The following HHAT variants were observed in gnomAD, a reference collection of about 807,000 sequenced individuals.
HHAT encodes the protein hedgehog acyltransferase, also known as protein-cysteine N-palmitoyltransferase HHAT.
In HHAT, 47 loss-of-function variants were observed where a neutral mutation model predicts 70.8. The ratio of observed to expected loss-of-function variants is 0.66; its 90% confidence interval spans 0.53 to 0.85. The LOEUF is 0.85. HHAT is among the 40% of genes least tolerant of loss of function. The probability of loss-of-function intolerance (pLI) is 0.00; values close to 1 mark genes in which losing one functional copy is unlikely to be tolerated. For missense variants in HHAT, 609 were observed against 604.8 expected (o/e 1.01, Z -0.07); for synonymous variants, 228 against 247.6 (o/e 0.92, Z 0.74).
At chr1:210,360,126 A>C (rs1015878582) in intron 2 of HHAT, among the ~76,000 whole-genome samples, 4 of 152,174 alleles carry the variant, frequency 2.6e-5, no homozygotes, top group Non-Finnish European at 5.9e-5. Context: ...TATCAACTAC[A>C]TTCTGCAGCT....
At chr1:210,406,189 G>T (rs1192628010) in intron 6 of HHAT, among the ~76,000 whole-genome samples, 3 of 152,052 alleles carry the variant, frequency 2.0e-5, no homozygotes, top group Non-Finnish European at 4.4e-5. Flanking sequence ...TTCTCAGTTT[G>T]CCAGCCAATA....
chr1:210,426,985 G>C (rs2093082878), intron 7 of HHAT, among the ~76,000 whole-genome samples: 1 of 152,068 alleles, frequency 6.6e-6, no homozygotes, highest in African/African-American at 2.4e-5. Flanking sequence ...TTTTTGGTTG[G>C]TAAGTTATTT....
chr1:210,592,783 A>T (rs1662031935), intron 10 of HHAT, among the ~76,000 whole-genome samples: 1 of 151,908 alleles, frequency 6.6e-6, no homozygotes, highest in South Asian at 2.1e-4. Flanking sequence ...AATTTTATTC[A>T]TAGCTATTAT....
intron 6 of HHAT, among the ~76,000 whole-genome samples, chr1:210,405,456 C>T (rs2092291514): frequency 6.6e-6 from 1 of 152,156 alleles, no homozygotes. Context: ...TATTCTATCC[C>T]TCACCAACAA....
At chr1:210,427,274 T>C (rs1279973181) in intron 7 of HHAT, among the ~76,000 whole-genome samples, 1 of 152,112 alleles carries the variant, frequency 6.6e-6, no homozygotes, top group Admixed American at 6.6e-5. Context: ...AATTCCTGGA[T>C]TCACTGACAT....
intron 8 of HHAT, among the ~76,000 whole-genome samples, chr1:210,502,569 T>C (rs2094779873): frequency 6.6e-6 from 1 of 152,184 alleles, no homozygotes; most frequent in Admixed American, 6.5e-5. Flanking sequence ...AATCATTGAA[T>C]CATGCATTCA....
At chr1:210,374,187 G>C (rs111627456) in intron 3 of HHAT, 2 of 152,084 alleles carry the variant, frequency 1.3e-5, no homozygotes, top group Non-Finnish European at 2.9e-5. Context: ...CAAAAAATTA[G>C]CTTATAACTG....
chr1:210,449,378 T>C (rs560012022), intron 7 of HHAT, among the ~76,000 whole-genome samples: 1 of 152,330 alleles, frequency 6.6e-6, no homozygotes, highest in South Asian at 2.1e-4. Flanking sequence ...AAAGTCGTGC[T>C]TCGTGGCTGA....
intron 8 of HHAT, among the ~76,000 whole-genome samples, chr1:210,492,014 C>T (rs934165859): frequency 3.0e-4 from 45 of 152,120 alleles, no homozygotes; most frequent in African/African-American, 8.9e-4. Context: ...CTGCCTGCCT[C>T]GGCCTCCCAA....
intron 9 of HHAT, among the ~76,000 whole-genome samples, chr1:210,530,531 G>A (rs1191956708): frequency 6.6e-6 from 1 of 152,158 alleles, no homozygotes. Flanking sequence ...TTGGAAATCA[G>A]GCATAACCTG....
At chr1:210,527,512 A>G (rs1167452542) in intron 9 of HHAT, among the ~76,000 whole-genome samples, 2 of 152,250 alleles carry the variant, frequency 1.3e-5, no homozygotes, top group Admixed American at 6.5e-5. Flanking sequence ...GCTGTTAGCC[A>G]TCACCATTAT....
At chr1:210,430,200 C>T (rs1224399720) in intron 7 of HHAT, among the ~76,000 whole-genome samples, 1 of 151,760 alleles carries the variant, frequency 6.6e-6, no homozygotes, top group Non-Finnish European at 1.5e-5. Context: ...CTTGATGAGC[C>T]TTTATTTGCC....
intron 8 of HHAT, 44 bp from the exon 9 acceptor site, chr1:210,513,108 TA>T: frequency 8.4e-7 from 1 of 1,183,932 alleles, no homozygotes; most frequent in Non-Finnish European, 1.2e-6. Flanking sequence ...ACCATTACTA[TA>T]AATATCTTTT....
chr1:210,597,247 C>T (rs1430676639), intron 10 of HHAT, among the ~76,000 whole-genome samples: 1 of 152,194 alleles, frequency 6.6e-6, no homozygotes, highest in African/African-American at 2.4e-5. Context: ...TCCTGTGGGC[C>T]ACCACTACTG....
chr1:210,327,702 C>T (rs943142234), upstream of HHAT, among the ~76,000 whole-genome samples: 13 of 152,088 alleles, frequency 8.5e-5, no homozygotes, highest in African/African-American at 2.9e-4. Context: ...GACGGGGTCT[C>T]ACCATGTTGG....
intron 11 of HHAT, among the ~76,000 whole-genome samples, chr1:210,644,040 C>T (rs1673511640): frequency 6.6e-6 from 1 of 152,016 alleles, no homozygotes; most frequent in Non-Finnish European, 1.5e-5. Context: ...ACACTGATTC[C>T]AGTATACTTT....
chr1:210,400,586 G>C lies in HHAT; in HGVS notation c.392G>C (p.Arg131Pro), dbSNP rs370012146. 255 of 1,614,094 alleles carry C rather than the reference G, an allele frequency of 1.6e-4. 1 individual carries two copies. The East Asian group carries it at 2.1e-3, about 13-fold the overall frequency. ...TTISFCVAQF[R>P]SQLLTWLCSL... is the part of the protein sequence containing the mutation. ...ATCTCTTTCTGCGTGGCCCAGTTCCGGTCTCAGCTCCTGACGTGGCTCTGT... is the reference window on the plus strand; with the variant it reads ...ATCTCTTTCTGCGTGGCCCAGTTCCCGTCTCAGCTCCTGACGTGGCTCTGT... The change falls in exon 5 of 12, where the codon CGG becomes CCG. Residue 131 changes from arginine (R) to proline (P), a missense_variant. Physicochemically the swap from Arg to Pro is moderately radical, Grantham distance 103. Coordinates refer to ENST00000261458, the MANE Select transcript of HHAT (RefSeq NM_018194.6).
At chr1:210,621,795 C>G (rs1668877017) in intron 10 of HHAT, among the ~76,000 whole-genome samples, 3 of 152,206 alleles carry the variant, frequency 2.0e-5, no homozygotes, top group African/African-American at 7.2e-5. Context: ...CACCCTACAT[C>G]ACTGGAGAGC....
At chr1:210,380,518 C>T (rs184818967) in intron 3 of HHAT, among the ~76,000 whole-genome samples, 26 of 151,730 alleles carry the variant, frequency 1.7e-4, no homozygotes, top group East Asian at 7.8e-4. Context: ...CCAGCCTGGG[C>T]GACAGAGCAA....
Sources: allele counts gnomAD v4.1 joint callset (sites outside exome capture counted in the v4.1 genomes callset), GRCh38; gene constraint gnomAD v4.1.1; transcripts MANE v1.5; gene names NCBI Gene and HGNC (gene_info 2026-07-23, HGNC 2026-07-21).